Variants in RERE observed in about 807,000 individuals in gnomAD.
The protein encoded by RERE is arginine-glutamic acid dipeptide repeats.
Under a neutral mutation model 146.1 loss-of-function variants are expected in RERE, and 40 were observed. That is an observed-to-expected ratio of 0.27 (90% CI 0.21 to 0.36). The LOEUF is 0.36. Among genes scored for constraint, RERE ranks in the 10% least tolerant of loss-of-function variants. The probability of loss-of-function intolerance (pLI) is 1.00; values close to 1 mark genes in which losing one functional copy is unlikely to be tolerated. For missense variants in RERE, 1,933 were observed against 2,138.7 expected (o/e 0.90, Z 1.90); for synonymous variants, 1,003 against 866.0 (o/e 1.16, Z -2.78).
intron 1 of RERE, chr1:8,753,496 G>C (rs1311832721): frequency 1.3e-5 from 2 of 152,026 alleles, no homozygotes; most frequent in African/African-American, 4.8e-5. Context: ...CCTTCTATTT[G>C]ACGGATTTTA....
At chr1:8,363,927 AG>A (rs1200208936) in intron 15 of RERE, 128 bp downstream of exon 15, 2 of 839,104 alleles carry the variant, frequency 2.4e-6, no homozygotes, top group Non-Finnish European at 3.7e-6. Flanking sequence ...CCTCGGGCAA[AG>A]CAGCTCCCCT....
At chr1:8,410,573 C>T (rs999226065) in intron 12 of RERE, among the ~76,000 whole-genome samples, 2 of 152,168 alleles carry the variant, frequency 1.3e-5, no homozygotes, top group Non-Finnish European at 1.5e-5. Flanking sequence ...TTAATGGGTT[C>T]GATGTCCCCA....
chr1:8,708,484 C>T (rs1639600334), intron 1 of RERE, among the ~76,000 whole-genome samples: 1 of 152,094 alleles, frequency 6.6e-6, no homozygotes, highest in Admixed American at 6.6e-5. Context: ...TGTGCCACCA[C>T]ACCCAGTTAA....
intron 8 of RERE, among the ~76,000 whole-genome samples, chr1:8,500,491 C>T (rs140458899): frequency 0.048 from 7,264 of 152,298 alleles, 252 homozygotes; most frequent in Non-Finnish European, 0.072. Flanking sequence ...GGATTGCAGA[C>T]GGAGTCTCGT....
intron 1 of RERE, among the ~76,000 whole-genome samples, chr1:8,812,861 T>C (rs188828007): frequency 4.6e-5 from 7 of 152,292 alleles, no homozygotes; most frequent in Admixed American, 3.9e-4. Flanking sequence ...TTGAGTTGTG[T>C]TCAAATGTTC....
At chr1:8,601,668 ACACAT>A (rs2124141470) in intron 4 of RERE, among the ~76,000 whole-genome samples, 3 of 130,960 alleles carry the variant, frequency 2.3e-5, no homozygotes, top group East Asian at 2.1e-4. Context: ...ACACACACAC[ACACAT>A]CTTCCTTCCA....
chr1:8,523,553 G>A (rs143351666), intron 7 of RERE, among the ~76,000 whole-genome samples: 78 of 152,274 alleles, frequency 5.1e-4, no homozygotes, highest in African/African-American at 1.8e-3. Flanking sequence ...CCCATGTGCT[G>A]TTCCCTCACC....
chr1:8,474,195 G>C (rs1644725261), intron 10 of RERE, among the ~76,000 whole-genome samples: 1 of 152,092 alleles, frequency 6.6e-6, no homozygotes, highest in Non-Finnish European at 1.5e-5. Flanking sequence ...ACTCATGATT[G>C]AACTTCTCAT....
At chr1:8,427,637 TAAAAAAAAAAAA>T (rs33996085) in intron 11 of RERE, among the ~76,000 whole-genome samples, 1 of 116,352 alleles carries the variant, frequency 8.6e-6, no homozygotes, top group African/African-American at 3.3e-5. Context: ...GGCCCCACTT[TAAAAAAAAAAAA>T]AAAAAAAAAA....
intron 2 of RERE, among the ~76,000 whole-genome samples, chr1:8,631,005 A>G (rs1274801490): frequency 6.6e-6 from 1 of 152,252 alleles, no homozygotes; most frequent in Non-Finnish European, 1.5e-5. Context: ...AGAAAGCCTC[A>G]CTAAACACAG....
At chr1:8,424,380 T>C (rs1172719564) in intron 11 of RERE, 2 of 152,264 alleles carry the variant, frequency 1.3e-5, no homozygotes, top group African/African-American at 4.8e-5. Context: ...GGGCCAGACT[T>C]AGCCTTTTAA....
intron 12 of RERE, among the ~76,000 whole-genome samples, chr1:8,370,277 G>A (rs575201726): frequency 2.6e-5 from 4 of 151,950 alleles, no homozygotes; most frequent in African/African-American, 7.2e-5. Flanking sequence ...TGGGTGCTGC[G>A]TGAGTCCTTC....
At chr1:8,544,938 T>C (rs1348993167) in intron 6 of RERE, among the ~76,000 whole-genome samples, 1 of 152,178 alleles carries the variant, frequency 6.6e-6, no homozygotes, top group African/African-American at 2.4e-5. Flanking sequence ...ATTTGAAGTA[T>C]TTTACAAATC....
chr1:8,501,858 G>T (rs1214552157), intron 8 of RERE, among the ~76,000 whole-genome samples: 2 of 122,162 alleles, frequency 1.6e-5, no homozygotes, highest in Non-Finnish European at 3.5e-5. Context: ...CCCTCTGCCC[G>T]GCCAGCCGCC....
intron 1 of RERE, among the ~76,000 whole-genome samples, chr1:8,728,031 A>G (rs1166230800): frequency 1.3e-5 from 2 of 152,220 alleles, no homozygotes; most frequent in African/African-American, 2.4e-5. Flanking sequence ...CAACGCAGCC[A>G]ACGCTCCCCA....
At chr1:8,366,592 C>T (rs1253230365) in intron 12 of RERE, among the ~76,000 whole-genome samples, 1 of 152,088 alleles carries the variant, frequency 6.6e-6, no homozygotes, top group Admixed American at 6.6e-5. Flanking sequence ...ATCTGAAGGC[C>T]CACATCTGAC....
At chr1:8,671,055 A>G (rs991859160) in intron 1 of RERE, among the ~76,000 whole-genome samples, 13 of 152,234 alleles carry the variant, frequency 8.5e-5, no homozygotes, top group African/African-American at 3.1e-4. Context: ...AAAGAGAACA[A>G]AAACTGGGAA....
chr1:8,358,952 A>G, intron 19 of RERE, 36 bp from the exon 20 acceptor site: 1 of 1,501,624 alleles, frequency 6.7e-7, no homozygotes, highest in Non-Finnish European at 8.8e-7. Context: ...GGGTCCCCCG[A>G]GCGCCTGGGG....
At chr1:8,597,797 T>A (rs201409431) in intron 4 of RERE, among the ~76,000 whole-genome samples, 1 of 144,024 alleles carries the variant, frequency 6.9e-6, no homozygotes, top group East Asian at 2.0e-4. Context: ...TTTTTTTTTT[T>A]AATGATCAAT....
Sources: allele counts gnomAD v4.1 joint callset (sites outside exome capture counted in the v4.1 genomes callset), GRCh38; gene constraint gnomAD v4.1.1; transcripts MANE v1.5; gene names NCBI Gene and HGNC (gene_info 2026-07-23, HGNC 2026-07-21).